MAP2K4: variants seen among roughly 807,000 people sequenced by gnomAD.
MAP2K4 encodes dual specificity mitogen-activated protein kinase kinase 4.
A neutral mutation model predicts 48.5 loss-of-function variants in MAP2K4; 4 were observed. The observed-to-expected ratio is 0.08, with a 90% CI of 0.04 to 0.19. MAP2K4 has a LOEUF of 0.19. MAP2K4 is among the 10% of genes least tolerant of loss of function. MAP2K4 has a pLI of 1.00. For synonymous variants in MAP2K4, 166 were observed against 173.1 expected, an observed-to-expected ratio of 0.96 and a Z score of 0.32; for missense variants, 258 against 493.3, an observed-to-expected ratio of 0.52 and a Z score of 4.52.
At chr17:12,025,676 G>A (rs1395369837) in intron 1 of MAP2K4, among the ~76,000 whole-genome samples, 2 of 152,144 alleles carry the variant, frequency 1.3e-5, no homozygotes, top group South Asian at 2.1e-4. Flanking sequence ...GCATTTTTAT[G>A]TATCAGTTTA....
chr17:12,046,353 T>G (rs1359385988), intron 1 of MAP2K4, among the ~76,000 whole-genome samples: 1 of 152,154 alleles, frequency 6.6e-6, no homozygotes, highest in Non-Finnish European at 1.5e-5. Flanking sequence ...TCGGATAAGC[T>G]TTTTATATTT....
intron 4 of MAP2K4, among the ~76,000 whole-genome samples, chr17:12,099,510 G>A (rs1247404199): frequency 2.6e-5 from 4 of 152,166 alleles, no homozygotes; most frequent in Non-Finnish European, 4.4e-5. Flanking sequence ...ATTCAAAGCA[G>A]TGAATAATCC....
chr17:12,105,216 T>G (rs1972068884), intron 4 of MAP2K4, among the ~76,000 whole-genome samples: 1 of 152,166 alleles, frequency 6.6e-6, no homozygotes, highest in African/African-American at 2.4e-5. Context: ...TTGAAAATTT[T>G]GATTAGAATT....
intron 4 of MAP2K4, among the ~76,000 whole-genome samples, chr17:12,103,520 A>T (rs2151569043): frequency 6.6e-6 from 1 of 152,120 alleles, no homozygotes; most frequent in South Asian, 2.1e-4. Context: ...TTAAACATAG[A>T]CTAAATTACA....
In MAP2K4 at chr17:12,021,004, A is replaced by G; in HGVS notation, c.115+3A>G. On this transcript the variant is annotated splice_donor_region_variant and intron_variant, in intron 1 of 10. Transcript: ENST00000353533. ...CCCGGCCGTCAGCAGCATGCAGGGT[A>G]AGGAACGCGGCCGCGCCGAGATCCC... 8.3e-7 allele frequency: 1 copy of G among 1,207,348 alleles called. No homozygotes were observed. Among genetic ancestry groups the G allele is most frequent in the Non-Finnish European group, 1.0e-6 (1 of 971,550 alleles). 74.8% of individuals were successfully genotyped at this position (1,207,348 alleles called of 1,614,324 possible).
intron 1 of MAP2K4, among the ~76,000 whole-genome samples, chr17:12,030,208 G>A (rs538680273): frequency 3.4e-4 from 51 of 152,194 alleles, no homozygotes; most frequent in African/African-American, 1.1e-3. Context: ...AACTAAAAAC[G>A]CTTCTTCCCT....
At chr17:12,118,092 A>G (rs111581399) in intron 7 of MAP2K4, among the ~76,000 whole-genome samples, 2 of 152,336 alleles carry the variant, frequency 1.3e-5, no homozygotes, top group African/African-American at 4.8e-5. Flanking sequence ...AAGAAAAAAC[A>G]TAGCATTAAC....
chr17:12,084,231 A>G (rs1971286679), intron 3 of MAP2K4, among the ~76,000 whole-genome samples: 1 of 152,206 alleles, frequency 6.6e-6, no homozygotes, highest in Non-Finnish European at 1.5e-5. Context: ...TTTTGATATA[A>G]TCAGATTTAG....
intron 1 of MAP2K4, among the ~76,000 whole-genome samples, chr17:12,042,784 A>G (rs1597405023): frequency 6.6e-6 from 1 of 152,152 alleles, no homozygotes; most frequent in East Asian, 1.9e-4. Flanking sequence ...GCAGTGGCTC[A>G]CGCCTGTAAT....
chr17:12,128,561 A>T (rs746945996), intron 8 of MAP2K4, among the ~76,000 whole-genome samples: 1 of 152,128 alleles, frequency 6.6e-6, no homozygotes, highest in Non-Finnish European at 1.5e-5. Flanking sequence ...GGGCTTCAGG[A>T]TGCAGGGTTT....
At chr17:12,067,157 A>G (rs894804666) in intron 2 of MAP2K4, among the ~76,000 whole-genome samples, 1 of 152,172 alleles carries the variant, frequency 6.6e-6, no homozygotes, top group East Asian at 1.9e-4. Flanking sequence ...TATTCATTAC[A>G]TTGTATAGGT....
At chr17:12,023,782 T>TA (rs1271850408) in intron 1 of MAP2K4, among the ~76,000 whole-genome samples, 2 of 152,126 alleles carry the variant, frequency 1.3e-5, no homozygotes, top group African/African-American at 4.8e-5. Flanking sequence ...AGGATTCAGA[T>TA]ATGCGTTTTG....
chr17:12,039,410 CAT>C (rs1007835464), intron 1 of MAP2K4, among the ~76,000 whole-genome samples: 1 of 152,152 alleles, frequency 6.6e-6, no homozygotes, highest in Non-Finnish European at 1.5e-5. Flanking sequence ...AAATTTCAAA[CAT>C]ACACAAAAAT....
At chr17:12,135,109 A>T (rs1410933673) in intron 9 of MAP2K4, among the ~76,000 whole-genome samples, 1 of 151,728 alleles carries the variant, frequency 6.6e-6, no homozygotes, top group Non-Finnish European at 1.5e-5. Context: ...TTGTTTTGAG[A>T]CGGACTTTTG....
At chr17:12,082,801 T>A (rs958787645) in intron 3 of MAP2K4, among the ~76,000 whole-genome samples, 2 of 152,232 alleles carry the variant, frequency 1.3e-5, no homozygotes, top group Non-Finnish European at 2.9e-5. Context: ...TACACAACAT[T>A]TTGTATACAA....
At position 12,058,968 on chromosome 17, in the gene MAP2K4, A is replaced by T. The variant is rs78903745; in HGVS notation, c.218+3977A>T. On this transcript the variant is annotated intron_variant, in intron 2 of 10. Transcript: ENST00000353533. ...TAGTTTTTCTTTGTGATACATTTTT[A>T]TCTACTCAGGCATTCAGAAATTTAA... Among the ~76,000 whole-genome samples the T allele has an allele frequency of 9.6e-3, 1,464 of 152,182 alleles. 20 individuals carry two copies. Among genetic ancestry groups the T allele is most frequent in the African/African-American group, 0.032 (1,340 of 41,510 alleles).
At chr17:12,092,727 T>C (rs1414689385) in intron 3 of MAP2K4, among the ~76,000 whole-genome samples, 1 of 152,128 alleles carries the variant, frequency 6.6e-6, no homozygotes, top group Non-Finnish European at 1.5e-5. Context: ...AAAACATTAG[T>C]ATAATTAAGA....
intron 4 of MAP2K4, among the ~76,000 whole-genome samples, chr17:12,096,594 A>T (rs2151563239): frequency 6.6e-6 from 1 of 152,308 alleles, no homozygotes; most frequent in South Asian, 2.1e-4. Flanking sequence ...TGAATAACCG[A>T]GTTGTTATAA....
intron 7 of MAP2K4, among the ~76,000 whole-genome samples, chr17:12,117,221 T>A (rs1972531002): frequency 1.3e-5 from 2 of 151,734 alleles, no homozygotes. Context: ...TTACCACACC[T>A]AAAAAAAACA....
Sources: gnomAD v4.1 joint callset for allele counts (sites outside exome capture counted in the v4.1 genomes callset) on GRCh38, gnomAD v4.1.1 for gene constraint, MANE v1.5 for transcripts, NCBI Gene and HGNC (gene_info 2026-07-23, HGNC 2026-07-21) for gene names.